Variants in FHIT observed in about 807,000 individuals in gnomAD.
FHIT encodes the protein fragile histidine triad diadenosine triphosphatase, also known as bis(5'-adenosyl)-triphosphatase.
FHIT carries 19 observed loss-of-function variants against 17.9 expected under a neutral mutation model. That is an observed-to-expected ratio of 1.06 (90% CI 0.74 to 1.56). The LOEUF is 1.56. FHIT is among the 40% of genes most tolerant of loss of function. FHIT has a pLI of 0.00. For missense variants in FHIT, 248 were observed against 189.2 expected (o/e 1.31, Z -1.82); for synonymous variants, 81 against 69.7 (o/e 1.16, Z -0.81).
intron 5 of FHIT, among the ~76,000 whole-genome samples, chr3:60,308,619 T>TTTTATA (rs1211259745): frequency 1.3e-5 from 2 of 151,906 alleles, no homozygotes; most frequent in Admixed American, 6.6e-5. Flanking sequence ...GATGTGTTCA[T>TTTTATA]TTTATATTTG....
intron 5 of FHIT, among the ~76,000 whole-genome samples, chr3:60,121,498 C>T (rs1441880447): frequency 1.3e-5 from 2 of 151,952 alleles, no homozygotes; most frequent in Admixed American, 6.6e-5. Flanking sequence ...CCAGCTTGGC[C>T]AACATGGTGA....
intron 3 of FHIT, among the ~76,000 whole-genome samples, chr3:60,861,229 G>A (rs368692601): frequency 7.1e-4 from 8 of 11,258 alleles, no homozygotes; most frequent in African/African-American, 2.0e-3. Flanking sequence ...TGATATATAT[G>A]ATATATCATA....
chr3:60,048,235 G>A (rs1701730911), intron 5 of FHIT, among the ~76,000 whole-genome samples: 1 of 152,104 alleles, frequency 6.6e-6, no homozygotes, highest in African/African-American at 2.4e-5. Flanking sequence ...GGAGTGCAGT[G>A]GCGTGATCTC....
intron 7 of FHIT, among the ~76,000 whole-genome samples, chr3:59,937,499 T>C (rs1706299722): frequency 6.6e-6 from 1 of 152,164 alleles, no homozygotes; most frequent in Non-Finnish European, 1.5e-5. Flanking sequence ...TAGTTAGAAG[T>C]TGTGTTTCTT....
At chr3:60,561,908 A>G (rs563922053) in intron 4 of FHIT, among the ~76,000 whole-genome samples, 94 of 151,602 alleles carry the variant, frequency 6.2e-4, no homozygotes, top group African/African-American at 2.2e-3. Context: ...AAAAAAAGAA[A>G]AGAGAGAGAA....
chr3:59,959,978 C>T (rs1319484945), intron 7 of FHIT, among the ~76,000 whole-genome samples: 2 of 152,004 alleles, frequency 1.3e-5, no homozygotes, highest in Non-Finnish European at 2.9e-5. Context: ...ATAAAGTATT[C>T]AAGGAGCTAT....
chr3:60,063,262 T>G (rs1172371130), intron 5 of FHIT, among the ~76,000 whole-genome samples: 2 of 152,180 alleles, frequency 1.3e-5, no homozygotes, highest in Non-Finnish European at 2.9e-5. Flanking sequence ...GTCTACAAGA[T>G]CAACTTTCTG....
At chr3:60,416,961 C>A (rs933219731) in intron 5 of FHIT, among the ~76,000 whole-genome samples, 3 of 151,684 alleles carry the variant, frequency 2.0e-5, no homozygotes, top group South Asian at 2.1e-4. Flanking sequence ...TGGTGGCAGG[C>A]GCCTGTAGTC....
chr3:60,659,068 G>A (rs1217030594), intron 4 of FHIT, among the ~76,000 whole-genome samples: 2 of 146,306 alleles, frequency 1.4e-5, no homozygotes, highest in Non-Finnish European at 3.0e-5. Flanking sequence ...GTTTTGTTTT[G>A]TTCTTTCTGT....
chr3:59,898,299 G>A (rs760465845), intron 8 of FHIT, among the ~76,000 whole-genome samples: 14 of 152,122 alleles, frequency 9.2e-5, no homozygotes, highest in Non-Finnish European at 1.3e-4. Flanking sequence ...CTATGTATAC[G>A]CAAATATTTC....
chr3:59,952,740 C>G (rs1007446651), intron 7 of FHIT, among the ~76,000 whole-genome samples: 1 of 152,166 alleles, frequency 6.6e-6, no homozygotes, highest in African/African-American at 2.4e-5. Flanking sequence ...TTCTTGGAAC[C>G]AAGCGCTGGT....
intron 8 of FHIT, among the ~76,000 whole-genome samples, chr3:59,917,048 C>T (rs947021428): frequency 6.6e-6 from 1 of 152,164 alleles, no homozygotes. Context: ...TGTCAAATGC[C>T]GTGTGAAAGA....
intron 4 of FHIT, among the ~76,000 whole-genome samples, chr3:60,560,537 C>A (rs2036899587): frequency 6.6e-6 from 1 of 152,038 alleles, no homozygotes; most frequent in Non-Finnish European, 1.5e-5. Flanking sequence ...AATGGATCTT[C>A]CTGTTCCCTC....
chr3:60,953,180 A>G (rs1187505170), intron 3 of FHIT, among the ~76,000 whole-genome samples: 1 of 152,240 alleles, frequency 6.6e-6, no homozygotes, highest in Non-Finnish European at 1.5e-5. Context: ...AAAGGATAAT[A>G]TAAGTGCCAA....
chr3:60,618,878 G>T (rs1553677052), intron 4 of FHIT, among the ~76,000 whole-genome samples: 1 of 152,008 alleles, frequency 6.6e-6, no homozygotes, highest in Non-Finnish European at 1.5e-5. Context: ...AGAAGGAAGG[G>T]ACCATAAGCC....
At chr3:60,818,719 T>C (rs1701820173) in intron 4 of FHIT, among the ~76,000 whole-genome samples, 1 of 152,206 alleles carries the variant, frequency 6.6e-6, no homozygotes, top group East Asian at 1.9e-4. Flanking sequence ...AGTGTTTATA[T>C]ACAGATTTGG....
intron 8 of FHIT, among the ~76,000 whole-genome samples, chr3:59,901,419 A>T (rs116482013): frequency 1.3e-3 from 205 of 152,268 alleles, no homozygotes; most frequent in African/African-American, 4.9e-3. Flanking sequence ...TCCTCTTCCA[A>T]CTCAATAATA....
chr3:61,249,487 CCAGAAAGGTTGGACTCCTCCT>C (rs2040561558), intron 1 of FHIT, among the ~76,000 whole-genome samples: 1 of 152,178 alleles, frequency 6.6e-6, no homozygotes. Flanking sequence ...AATTCTGTAG[CCAGAAAGGTTGGACTCCTCCT>C]CAGCTCTGTA....
chr3:60,631,683 T>C (rs1049895708), intron 4 of FHIT, among the ~76,000 whole-genome samples: 9 of 152,310 alleles, frequency 5.9e-5, no homozygotes, highest in African/African-American at 2.2e-4. Context: ...TCAAATTGTC[T>C]CTCTGGGCCT....
Sources: gnomAD v4.1 joint callset for allele counts (sites outside exome capture counted in the v4.1 genomes callset) on GRCh38, gnomAD v4.1.1 for gene constraint, MANE v1.5 for transcripts, NCBI Gene and HGNC (gene_info 2026-07-23, HGNC 2026-07-21) for gene names.